PCSK5: variants seen among roughly 807,000 people sequenced by gnomAD.
The protein encoded by PCSK5 is proprotein convertase subtilisin/kexin type 5, also known as prohormone convertase 5.
A neutral mutation model predicts 233.2 loss-of-function variants in PCSK5; 129 were observed. That is an observed-to-expected ratio of 0.55 (90% CI 0.48 to 0.64). The LOEUF is 0.64. Ranked by LOEUF, PCSK5 falls within the 30% of genes least tolerant of loss-of-function variation. The pLI is 0.00. For missense variants in PCSK5, 2,076 were observed against 2,430.1 expected, an observed-to-expected ratio of 0.85 and a Z score of 3.06; for synonymous variants, 825 against 879.2, an observed-to-expected ratio of 0.94 and a Z score of 1.09.
At chr9:75,963,091 C>T (rs1825424889) in intron 2 of PCSK5, among the ~76,000 whole-genome samples, 1 of 152,142 alleles carries the variant, frequency 6.6e-6, no homozygotes, top group Admixed American at 6.5e-5. Context: ...TTCTTATTAG[C>T]ATAATTTTTT....
intron 37 of PCSK5, among the ~76,000 whole-genome samples, chr9:76,358,072 CGAG>C (rs1160326570): frequency 6.6e-6 from 1 of 152,158 alleles, no homozygotes; most frequent in Non-Finnish European, 1.5e-5. Context: ...GACTGACCTA[CGAG>C]GTATGGGGAT....
At chr9:76,214,249 T>C (rs7856717) in intron 20 of PCSK5, among the ~76,000 whole-genome samples, 3,976 of 151,994 alleles carry the variant, frequency 0.026, 168 homozygotes, top group African/African-American at 0.089. Flanking sequence ...GATTACATGA[T>C]TGAGGAGTCT....
intron 20 of PCSK5, among the ~76,000 whole-genome samples, chr9:76,225,512 C>T (rs1825861582): frequency 6.6e-6 from 1 of 152,216 alleles, no homozygotes; most frequent in South Asian, 2.1e-4. Flanking sequence ...AGGTCTGCTT[C>T]TTCCCACTGA....
chr9:76,156,416 G>C lies in PCSK5; in HGVS notation c.1313-629G>C, dbSNP rs572786332. ...TCCTGGATAAAGTTTAATAAATTTT[G>C]TATATGCTAGAAGAAAGGTAATAAT... On this transcript the variant is annotated intron_variant, in intron 10 of 37. Transcript: ENST00000674117. Among the ~76,000 whole-genome samples, 408 of 152,268 alleles carry C rather than the reference G, an allele frequency of 2.7e-3. 2 individuals are homozygous for C. Among genetic ancestry groups the C allele is most frequent in the Non-Finnish European group, 4.5e-3 (304 of 68,020 alleles).
intron 20 of PCSK5, among the ~76,000 whole-genome samples, chr9:76,205,709 G>A (rs1825090778): frequency 6.6e-6 from 1 of 152,118 alleles, no homozygotes; most frequent in African/African-American, 2.4e-5. Flanking sequence ...GTTGTCTCAG[G>A]CTAATTATTA....
chr9:76,328,975 A>ATTTTTTTTTTTTTTTTTTTTTTT (rs59466685), intron 33 of PCSK5, among the ~76,000 whole-genome samples: 2 of 123,726 alleles, frequency 1.6e-5, no homozygotes, highest in African/African-American at 3.2e-5. Flanking sequence ...CTCCCGGCTA[A>ATTTTTTTTTTTTTTTTTTTTTTT]TTTTTTTTTT....
rs182594089 is a variant in PCSK5, at chr9:76,143,224, A to G, written c.1312+9012A>G. Reference sequence around the variant, plus strand: ...GAAATTATAACTGGAGGAGACAGCCATGGTGAAGGCAACAGGTCAGGGGAA... The same window carrying G: ...GAAATTATAACTGGAGGAGACAGCCGTGGTGAAGGCAACAGGTCAGGGGAA... On this transcript the variant is annotated intron_variant, in intron 10 of 37. Coordinates refer to ENST00000674117, the MANE Select transcript of PCSK5 (RefSeq NM_001372043.1). Among the ~76,000 whole-genome samples, 303 of 152,260 alleles carry G rather than the reference A, an allele frequency of 2.0e-3. 2 individuals are homozygous for G. The highest frequency in any genetic ancestry group is 6.8e-3 in the African/African-American group (281 of 41,564).
At chr9:76,173,557 G>A (rs10869720) in intron 13 of PCSK5, among the ~76,000 whole-genome samples, 26,032 of 104,032 alleles carry the variant, frequency 0.25, 3,018 homozygotes, top group East Asian at 0.45. Flanking sequence ...ACACAATTTT[G>A]TGAAGCTAAG....
intron 30 of PCSK5, among the ~76,000 whole-genome samples, chr9:76,318,635 T>C (rs1399333897): frequency 6.6e-6 from 1 of 152,262 alleles, no homozygotes; most frequent in East Asian, 1.9e-4. Context: ...AGACATAAGA[T>C]TCCGCCTGGA....
intron 26 of PCSK5, among the ~76,000 whole-genome samples, chr9:76,295,779 A>G (rs1828419704): frequency 6.6e-6 from 1 of 152,218 alleles, no homozygotes; most frequent in Non-Finnish European, 1.5e-5. Flanking sequence ...ATATATCCCC[A>G]TGCACTGTAA....
At chr9:76,139,229 A>G (rs921378995) in intron 10 of PCSK5, among the ~76,000 whole-genome samples, 9 of 152,154 alleles carry the variant, frequency 5.9e-5, no homozygotes, top group Admixed American at 4.6e-4. Context: ...TGTGTGTTCA[A>G]TCAAAATGAA....
At chr9:75,975,889 T>G (rs1825994385) in intron 2 of PCSK5, among the ~76,000 whole-genome samples, 1 of 152,208 alleles carries the variant, frequency 6.6e-6, no homozygotes, top group Non-Finnish European at 1.5e-5. Context: ...CCACTGTGTT[T>G]TTCATGCAGT....
chr9:76,178,793 A>C (rs1424759215), intron 14 of PCSK5, among the ~76,000 whole-genome samples: 1 of 152,246 alleles, frequency 6.6e-6, no homozygotes, highest in African/African-American at 2.4e-5. Context: ...AGAACAAAGA[A>C]GAGAATTAAA....
In PCSK5 at chr9:76,225,234, A is replaced by C. The variant is rs1444881894; in HGVS notation, c.2627-2269A>C. On this transcript the variant is annotated intron_variant, in intron 20 of 37. Coordinates refer to ENST00000674117, the MANE Select transcript of PCSK5 (RefSeq NM_001372043.1). ...AAATCACTCGCATAAAATCTTTGAG[A>C]ACCCACGAGTAGGGTCTTTTTAATT... 2.6e-5 allele frequency among the ~76,000 whole-genome samples: 4 copies of C among 152,196 alleles called. No individual in the cohort carries two copies. In the East Asian group the frequency reaches 7.7e-4, roughly 29 times the overall value.
chr9:76,108,161 C>CTGGA (rs752032070), intron 9 of PCSK5, among the ~76,000 whole-genome samples: 10 of 152,130 alleles, frequency 6.6e-5, no homozygotes, highest in Non-Finnish European at 1.3e-4. Context: ...TCAGACCCCG[C>CTGGA]TGGAGATTTT....
chr9:75,893,075 GGAATGGAACTGGGGAGGCTAGCACT>G (rs142373111), intron 1 of PCSK5, among the ~76,000 whole-genome samples: 15,707 of 152,182 alleles, frequency 0.1, 979 homozygotes, highest in Admixed American at 0.13. Context: ...CTATGCCCTG[GGAATGGAACTGGGGAGGCTAGCACT>G]GAAAGTAGCT....
chr9:76,035,117 C>A (rs1828806589), intron 5 of PCSK5, among the ~76,000 whole-genome samples: 3 of 152,158 alleles, frequency 2.0e-5, no homozygotes, highest in Admixed American at 2.0e-4. Context: ...CGAATAAATT[C>A]TTCTCAGGTT....
chr9:76,248,612 A>G (rs916148771), intron 24 of PCSK5, among the ~76,000 whole-genome samples: 1 of 152,228 alleles, frequency 6.6e-6, no homozygotes, highest in African/African-American at 2.4e-5. Context: ...CAAGATCATC[A>G]CACAGACTCA....
At chr9:76,175,989 G>C (rs536214341) in intron 14 of PCSK5, among the ~76,000 whole-genome samples, 1 of 149,358 alleles carries the variant, frequency 6.7e-6, no homozygotes, top group Non-Finnish European at 1.5e-5. Context: ...ACTTATCACT[G>C]TTAAGTTTTG....
Sources: gnomAD v4.1 joint callset for allele counts (sites outside exome capture counted in the v4.1 genomes callset) on GRCh38, gnomAD v4.1.1 for gene constraint, MANE v1.5 for transcripts, NCBI Gene and HGNC (gene_info 2026-07-23, HGNC 2026-07-21) for gene names.